CCNC: variants seen among roughly 807,000 people sequenced by gnomAD.
The protein encoded by CCNC is cyclin C, also known as cyclin-C.
A neutral mutation model predicts 50.0 loss-of-function variants in CCNC; 19 were observed. The observed-to-expected ratio is 0.38, with a 90% CI of 0.27 to 0.56. The LOEUF is 0.56. Among genes scored for constraint, CCNC ranks in the 20% least tolerant of loss-of-function variants. The pLI, the probability that CCNC is intolerant of heterozygous loss-of-function variation, is 0.72. For missense variants in CCNC, 200 were observed against 327.1 expected (o/e 0.61, Z 3.00); for synonymous variants, 93 against 103.7 (o/e 0.90, Z 0.63).
Position 99,545,116 on chromosome 6 carries a change from T to G in CCNC, c.793A>C (p.Asn265His), listed in dbSNP as rs1346004412. Reference protein sequence around the residue: ...SKMPKPKPPPNSEGEQGPNGS... With the variant: ...SKMPKPKPPPHSEGEQGPNGS... The stretch of plus-strand genomic sequence containing the variant: ...TAATTAAAGTCTACAAAGTACCTGT[T>G]TGGAGGTGGTTTTGGTTTTGGCATC... Residue 265 changes from asparagine to histidine, a missense_variant, in exon 11 of 12, where the codon AAC (asparagine) becomes CAC (histidine). Coordinates refer to ENST00000520429, the MANE Select transcript of CCNC (RefSeq NM_005190.4). 6.6e-7 allele frequency: 1 copy of G among 1,525,658 alleles called. No individual in the cohort carries two copies. Among genetic ancestry groups the G allele is most frequent in the Non-Finnish European group, 9.1e-7 (1 of 1,099,768 alleles). The allele number at this position is 1,525,658 out of a possible 1,614,324, so 94.5% of individuals were successfully genotyped here. A position where few individuals can be genotyped will look rare whatever the true frequency, so the allele number is the denominator to read the frequency against.
intron 11 of CCNC, 148 bp from the exon 12 acceptor site, chr6:99,543,757 A>G: frequency 7.0e-7 from 1 of 1,427,994 alleles, no homozygotes; most frequent in East Asian, 2.5e-5. Flanking sequence ...GTGAAAAATT[A>G]AAATCCAGAA....
intron 4 of CCNC, among the ~76,000 whole-genome samples, chr6:99,559,628 T>C (rs1802687059): frequency 7.1e-6 from 1 of 140,496 alleles, no homozygotes; most frequent in Non-Finnish European, 1.5e-5. Flanking sequence ...CTAGAGAAAA[T>C]ACAGAAAGAT....
At chr6:99,561,768 C>A in intron 2 of CCNC, 87 bp from the exon 3 acceptor site, 1 of 820,600 alleles carries the variant, frequency 1.2e-6, no homozygotes, top group South Asian at 1.7e-5. Context: ...GTGGTTAAAT[C>A]ATAATTATGT....
chr6:99,558,483 C>CTT lies in CCNC; in HGVS notation c.346+12_346+13dup, dbSNP rs759916854. On this transcript the variant is annotated intron_variant, in intron 5 of 11. Coordinates refer to ENST00000520429, the MANE Select transcript of CCNC (RefSeq NM_005190.4). Reference sequence around the variant, plus strand: ...GAATTACATCCTTAAAGCAGATATACTTTTTGCACTTACATACAGAAGTAG... The same window carrying CTT: ...GAATTACATCCTTAAAGCAGATATACTTTTTTTGCACTTACATACAGAAGTAG... The CTT allele has an allele frequency of 3.1e-6, 5 of 1,610,884 alleles. No individual in the cohort carries two copies. In the African/African-American group the frequency reaches 6.7e-5, roughly 22 times the overall value.
chr6:99,549,630 T>C, intron 8 of CCNC, 55 bp from the exon 9 acceptor site: 1 of 1,146,064 alleles, frequency 8.7e-7, no homozygotes, highest in East Asian at 2.4e-5. Flanking sequence ...CATCTGATTG[T>C]ATATTTCCTC....
chr6:99,553,874 TA>T (rs1802411037), intron 5 of CCNC, among the ~76,000 whole-genome samples: 1 of 152,202 alleles, frequency 6.6e-6, no homozygotes, highest in African/African-American at 2.4e-5. Context: ...CCCCTACTAT[TA>T]ACATCTTACA....
intron 5 of CCNC, among the ~76,000 whole-genome samples, chr6:99,552,799 T>C (rs987364815): frequency 5.9e-5 from 9 of 152,118 alleles, no homozygotes; most frequent in African/African-American, 2.2e-4. Context: ...TCCCAGCACT[T>C]TGGGAGGCCA....
intron 6 of CCNC, among the ~76,000 whole-genome samples, chr6:99,551,470 T>G (rs1289592521): frequency 6.6e-6 from 1 of 152,198 alleles, no homozygotes; most frequent in African/African-American, 2.4e-5. Context: ...ATTCACCTTA[T>G]ATTTCATATT....
At position 99,558,874 on chromosome 6, in the gene CCNC, G is replaced by T. The variant is rs574348357; in HGVS notation, c.295-326C>A. On this transcript the variant is annotated intron_variant, in intron 4 of 11. Transcript: ENST00000520429. Reference sequence around the variant, plus strand: ...ACGTTTCAAATTTTGGAGCATTTAGGATTTTCAGATTACGGATATTCTGCC... The same window carrying T: ...ACGTTTCAAATTTTGGAGCATTTAGTATTTTCAGATTACGGATATTCTGCC... 8.5e-5 allele frequency among the ~76,000 whole-genome samples: 13 copies of T among 152,164 alleles called. No individual in the cohort carries two copies. In the South Asian group the frequency reaches 2.5e-3, roughly 29 times the overall value.
chr6:99,550,376 T>C, intron 7 of CCNC, 67 bp from the exon 8 acceptor site: 1 of 1,042,646 alleles, frequency 9.6e-7, no homozygotes, highest in Non-Finnish European at 1.5e-6. Flanking sequence ...AATGTTATCA[T>C]TACCCAACTG....
At chr6:99,560,913 T>C (rs1583586929) in intron 4 of CCNC, among the ~76,000 whole-genome samples, 1 of 152,286 alleles carries the variant, frequency 6.6e-6, no homozygotes, top group East Asian at 1.9e-4. Flanking sequence ...ATAAGGGACA[T>C]TCTCAGGTTA....
At chr6:99,547,753 A>T (rs13195012) in intron 9 of CCNC, among the ~76,000 whole-genome samples, 2 of 152,016 alleles carry the variant, frequency 1.3e-5, no homozygotes, top group African/African-American at 4.8e-5. Flanking sequence ...AGGTGAAACC[A>T]CTAGCCTAGC....
At position 99,562,837 on chromosome 6, in the gene CCNC, T is replaced by C. The variant is rs1363844971; in HGVS notation, c.139+5A>G. 1 of 1,518,330 alleles carries C rather than the reference T, an allele frequency of 6.6e-7. No homozygotes were observed. Among genetic ancestry groups the C allele is most frequent in the Non-Finnish European group, 9.0e-7 (1 of 1,106,996 alleles). 94.1% of individuals were successfully genotyped at this position (1,518,330 alleles called of 1,614,324 possible). A position where few individuals can be genotyped will look rare whatever the true frequency, so the allele number is the denominator to read the frequency against. ...CAATTTGAACCAATTTTTAAAAAAG[T>C]TTACCATTTGTAAAAAATATTTGTA... is the stretch of plus-strand genomic sequence containing the variant. On this transcript the variant is annotated splice_donor_5th_base_variant and intron_variant, in intron 2 of 11. Transcript: ENST00000520429.
At chr6:99,561,074 T>C (rs1163456425) in intron 4 of CCNC, among the ~76,000 whole-genome samples, 1 of 152,232 alleles carries the variant, frequency 6.6e-6, no homozygotes, top group East Asian at 1.9e-4. Context: ...AGCTATATCA[T>C]CTTAAGCAAG....
chr6:99,549,016 T>C (rs187686046), intron 9 of CCNC, among the ~76,000 whole-genome samples: 20 of 152,140 alleles, frequency 1.3e-4, no homozygotes, highest in Admixed American at 1.3e-3. Flanking sequence ...GGAGGTAAAG[T>C]TTAAGCCTAG....
chr6:99,561,715 T>C (rs746899036), intron 2 of CCNC, 34 bp from the exon 3 acceptor site: 16 of 1,217,572 alleles, frequency 1.3e-5, no homozygotes, highest in African/African-American at 3.0e-5. Context: ...TAAATGTATC[T>C]TCTGGTATCA....
chr6:99,544,534 C>T (rs1282454038), intron 11 of CCNC, among the ~76,000 whole-genome samples: 1 of 152,080 alleles, frequency 6.6e-6, no homozygotes, highest in African/African-American at 2.4e-5. Context: ...ATGAACACAT[C>T]TTACTTAAAA....
chr6:99,547,071 C>T (rs982125321), intron 9 of CCNC, among the ~76,000 whole-genome samples: 4 of 151,896 alleles, frequency 2.6e-5, no homozygotes, highest in Non-Finnish European at 5.9e-5. Context: ...ATGTTATATA[C>T]AATATAAACT....
intron 5 of CCNC, among the ~76,000 whole-genome samples, chr6:99,552,319 C>A (rs933281221): frequency 2.0e-5 from 3 of 151,956 alleles, no homozygotes; most frequent in Admixed American, 1.3e-4. Context: ...GAGGATAGTA[C>A]ACCAAAAAAA....
Sources: allele counts gnomAD v4.1 joint callset (sites outside exome capture counted in the v4.1 genomes callset), GRCh38; gene constraint gnomAD v4.1.1; transcripts MANE v1.5; gene names NCBI Gene and HGNC (gene_info 2026-07-23, HGNC 2026-07-21).